VAV2: variants seen among roughly 807,000 people sequenced by gnomAD.
VAV2 encodes guanine nucleotide exchange factor VAV2.
In VAV2, 67 loss-of-function variants were observed where a neutral mutation model predicts 132.5. That is an observed-to-expected ratio of 0.51 (90% confidence interval 0.42 to 0.62). The LOEUF (loss-of-function observed/expected upper bound fraction) is 0.62, where lower values mean the gene tolerates loss of function less well. Ranked by LOEUF, VAV2 falls within the 20% of genes least tolerant of loss-of-function variation. The pLI, the probability that VAV2 is intolerant of heterozygous loss-of-function variation, is 0.00. For missense variants in VAV2, 938 were observed against 1,153.6 expected, an observed-to-expected ratio of 0.81 and a Z score of 2.71; for synonymous variants, 492 against 443.5, an observed-to-expected ratio of 1.11 and a Z score of -1.37.
intron 2 of VAV2, among the ~76,000 whole-genome samples, chr9:133,903,921 C>T (rs1205288464): frequency 1.3e-5 from 2 of 152,284 alleles, no homozygotes; most frequent in East Asian, 1.9e-4. Flanking sequence ...GGGCAACTTA[C>T]AAGAACATGT....
chr9:133,781,104 G>T (rs772326877), intron 19 of VAV2, among the ~76,000 whole-genome samples: 1 of 127,790 alleles, frequency 7.8e-6, no homozygotes, highest in Non-Finnish European at 1.8e-5. Context: ...GCTGGGGCAC[G>T]TGATGAGGAA....
At position 133,941,617 on chromosome 9, in the gene VAV2, G is replaced by C. The variant is rs1252982947; in HGVS notation, c.205-2398C>G. Among the ~76,000 whole-genome samples, 27 of 149,188 alleles carry C rather than the reference G, an allele frequency of 1.8e-4. 2 individuals are homozygous for C. The highest frequency in any genetic ancestry group is 1.7e-3 in the Admixed American group (25 of 14,842). ...TGAGTCCACTTTTTTTTGGGGGGGGGGGGGGACGGAATTTCGCCCTTGTTT... is the reference window on the plus strand; with the variant it reads ...TGAGTCCACTTTTTTTTGGGGGGGGCGGGGGACGGAATTTCGCCCTTGTTT... On this transcript the variant is annotated intron_variant, in intron 1 of 29. Transcript: ENST00000371850.
chr9:133,822,304 G>C (rs1835821560), intron 4 of VAV2, among the ~76,000 whole-genome samples: 1 of 152,218 alleles, frequency 6.6e-6, no homozygotes, highest in Non-Finnish European at 1.5e-5. Flanking sequence ...AGGGTACCAA[G>C]CTGCCATTAG....
intron 2 of VAV2, among the ~76,000 whole-genome samples, chr9:133,893,653 G>A (rs963208874): frequency 2.6e-5 from 4 of 152,238 alleles, no homozygotes; most frequent in Admixed American, 2.6e-4. Context: ...CGAGCACCCA[G>A]CCCAGCCAAG....
In VAV2 at chr9:133,864,620, C is replaced by A. The variant is rs775305452; in HGVS notation, c.322-3188G>T. Among the ~76,000 whole-genome samples the A allele has an allele frequency of 9.9e-5, 15 of 152,234 alleles. 1 individual carries two copies. Among genetic ancestry groups the A allele is most frequent in the South Asian group, 4.1e-4 (2 of 4,832 alleles). ...AAAAGACAGACCCTAGGTCCTACCC[C>A]CGCCACCCCACAGGCTCTGGGGCCT... On this transcript the variant is annotated intron_variant, in intron 2 of 29. Transcript: ENST00000371850.
intron 1 of VAV2, among the ~76,000 whole-genome samples, chr9:133,972,722 C>A (rs1842381015): frequency 6.6e-6 from 1 of 152,170 alleles, no homozygotes; most frequent in African/African-American, 2.4e-5. Flanking sequence ...GCGAGGGGAA[C>A]CTGACTGCAG....
rs140987189 is a variant in VAV2, at chr9:133,912,302, C to T, written c.321+26801G>A. 2.0e-5 allele frequency among the ~76,000 whole-genome samples: 3 copies of T among 152,282 alleles called. No homozygotes were observed. Among genetic ancestry groups the T allele is most frequent in the Non-Finnish European group, 2.9e-5 (2 of 68,026 alleles). ...GTCACCGGAGGATGGTCCAAGAAGG[C>T]GGGAAGGCCTTCCAGGTCTGGGAAC... On this transcript the variant is annotated intron_variant, in intron 2 of 29. Coordinates refer to ENST00000371850, the MANE Select transcript of VAV2 (RefSeq NM_001134398.2). This position sits in a 1 kb window ranked among gnomAD's most constrained non-coding sequence, Gnocchi z 4.3.
At chr9:133,778,279 C>T (rs895561952) in intron 22 of VAV2, among the ~76,000 whole-genome samples, 7 of 152,162 alleles carry the variant, frequency 4.6e-5, no homozygotes, top group East Asian at 1.9e-4. Context: ...AACGACATCA[C>T]GATGACAACA....
At chr9:133,877,247 C>T (rs1184692799) in intron 2 of VAV2, among the ~76,000 whole-genome samples, 1 of 152,174 alleles carries the variant, frequency 6.6e-6, no homozygotes, top group African/African-American at 2.4e-5. Context: ...CTTTCTTCCC[C>T]AGCAGGTAAC....
intron 16 of VAV2, among the ~76,000 whole-genome samples, chr9:133,786,278 G>T (rs1179295942): frequency 6.6e-6 from 1 of 152,220 alleles, no homozygotes; most frequent in Non-Finnish European, 1.5e-5. Flanking sequence ...ACACACACTT[G>T]TATCTGTCCC....
rs189268280 is a variant in VAV2 at position 133,812,669 on chromosome 9, T to C, written c.450-453A>G. On this transcript the variant is annotated intron_variant, in intron 4 of 29. Coordinates refer to ENST00000371850, the MANE Select transcript of VAV2 (RefSeq NM_001134398.2). ...GACCTGAGTGCTTCCGGCTCAGCCC[T>C]GGCTCTTGCAGTCCTTGGATCCAAG... 2.7e-3 allele frequency among the ~76,000 whole-genome samples: 404 copies of C among 152,300 alleles called. 2 individuals are homozygous for C. Among genetic ancestry groups the C allele is most frequent in the African/African-American group, 9.5e-3 (396 of 41,564 alleles).
intron 3 of VAV2, among the ~76,000 whole-genome samples, chr9:133,836,207 G>A (rs1331566792): frequency 6.6e-6 from 1 of 152,212 alleles, no homozygotes; most frequent in Admixed American, 6.5e-5. Context: ...ACCTGGAGGG[G>A]ACTGGCCCAC....
chr9:133,860,120 G>A (rs918556722), intron 3 of VAV2, among the ~76,000 whole-genome samples: 1 of 151,952 alleles, frequency 6.6e-6, no homozygotes, highest in East Asian at 1.9e-4. Context: ...GGCTAACATG[G>A]TGAAACCCTT....
intron 25 of VAV2, 36 bp downstream of exon 25, chr9:133,774,899 G>A (rs1833759946): frequency 9.5e-6 from 15 of 1,581,640 alleles, no homozygotes; most frequent in Non-Finnish European, 1.2e-5. Context: ...ACGGCATTGG[G>A]GGATGGGTCT....
intron 6 of VAV2, among the ~76,000 whole-genome samples, chr9:133,809,695 G>T (rs1835289017): frequency 6.6e-6 from 1 of 152,212 alleles, no homozygotes; most frequent in African/African-American, 2.4e-5. Context: ...CAGGGTCCCT[G>T]GAGCCTCCTC....
In VAV2 at chr9:133,824,482, C is replaced by G. The variant is rs891090780; in HGVS notation, c.449+9790G>C. On this transcript the variant is annotated intron_variant, in intron 4 of 29. Transcript: ENST00000371850. The surrounding 1 kb of genome is among the most constrained non-coding windows in gnomAD (Gnocchi z 5.2). The stretch of plus-strand genomic sequence containing the variant: ...ACCCCAGCCCAAAACAAGGTAGTGA[C>G]TGGCCTGGCACAGGGGGTAAGAGCA... Among the ~76,000 whole-genome samples the G allele has an allele frequency of 2.0e-5, 3 of 152,190 alleles. No individual in the cohort carries two copies. The highest frequency in any genetic ancestry group is 7.2e-5 in the African/African-American group (3 of 41,442).
chr9:133,847,947 G>A (rs1359967690), intron 3 of VAV2, among the ~76,000 whole-genome samples: 1 of 152,148 alleles, frequency 6.6e-6, no homozygotes. Context: ...AAGTCCAAGA[G>A]TCCACTTCAA....
intron 1 of VAV2, among the ~76,000 whole-genome samples, chr9:133,972,632 C>CA (rs1209121959): frequency 6.6e-6 from 1 of 152,228 alleles, no homozygotes; most frequent in Non-Finnish European, 1.5e-5. Context: ...CACAGACAGT[C>CA]AGAGTCATCG....
In VAV2 at chr9:133,769,584, G is replaced by C; in HGVS notation, c.2348-81C>G. 6.9e-7 allele frequency: 1 copy of C among 1,443,026 alleles called. No individual in the cohort carries two copies. The highest frequency in any genetic ancestry group is 1.3e-5 in the South Asian group (1 of 77,880). 89.4% of individuals were successfully genotyped at this position (1,443,026 alleles called of 1,614,324 possible). On this transcript the variant is annotated intron_variant, in intron 27 of 29. Coordinates refer to ENST00000371850, the MANE Select transcript of VAV2 (RefSeq NM_001134398.2). The surrounding 1 kb of genome is among the most constrained non-coding windows in gnomAD (Gnocchi z 8.1). ...ACGGTGGGCACAGCTACAGGCCGGGGGGCATGGGGTGGGGCAGGCCCTTTG... is the reference window on the plus strand; with the variant it reads ...ACGGTGGGCACAGCTACAGGCCGGGCGGCATGGGGTGGGGCAGGCCCTTTG...
Sources: allele counts gnomAD v4.1 joint callset (sites outside exome capture counted in the v4.1 genomes callset), GRCh38; gene constraint gnomAD v4.1.1; non-coding constraint Gnocchi (gnomAD v3.1); transcripts MANE v1.5; gene names NCBI Gene and HGNC (gene_info 2026-07-23, HGNC 2026-07-21).